Variants in DOCK4 observed in about 807,000 individuals in gnomAD.
The protein encoded by DOCK4 is dedicator of cytokinesis 4.
In DOCK4, 97 loss-of-function variants were observed where a neutral mutation model predicts 268.1. That is an observed-to-expected ratio of 0.36 (90% CI 0.31 to 0.43). The LOEUF (loss-of-function observed/expected upper bound fraction) is 0.43, where lower values mean the gene tolerates loss of function less well. Among genes scored for constraint, DOCK4 ranks in the 20% least tolerant of loss-of-function variants. DOCK4 has a pLI of 1.00. For synonymous variants in DOCK4, 954 were observed against 887.2 expected (o/e 1.08, Z -1.34); for missense variants, 2,145 against 2,455.7 (o/e 0.87, Z 2.67).
At chr7:112,001,264 ATAC>A (rs1367816016) in intron 2 of DOCK4, among the ~76,000 whole-genome samples, 1 of 152,130 alleles carries the variant, frequency 6.6e-6, no homozygotes, top group Non-Finnish European at 1.5e-5. Context: ...GGGTGCAAAA[ATAC>A]TACATGGAAA....
intron 8 of DOCK4, among the ~76,000 whole-genome samples, chr7:111,969,278 A>G (rs1249133463): frequency 6.6e-6 from 1 of 151,390 alleles, no homozygotes; most frequent in Non-Finnish European, 1.5e-5. Flanking sequence ...AATGTTTTCT[A>G]TTCTTATGGC....
chr7:112,025,532 AATG>A (rs139011382), intron 1 of DOCK4, among the ~76,000 whole-genome samples: 7,441 of 152,118 alleles, frequency 0.049, 574 homozygotes, highest in African/African-American at 0.17. Context: ...CAGCCACCCT[AATG>A]ATAGCTCCTG....
In DOCK4 at chr7:112,054,683, CCTTTT is replaced by C. The variant is rs375422401; in HGVS notation, c.38-50557_38-50553del. Among the ~76,000 whole-genome samples the C allele has an allele frequency of 5.8e-3, 889 of 152,180 alleles. 13 individuals are homozygous for C. The highest frequency in any genetic ancestry group is 0.02 in the African/African-American group (841 of 41,520). ...GATTTATTCACCTATGCTCCCAAATCCTTTTAATTAAGTGAAAGTTGTTCACTTAA... is the reference window on the plus strand; with the variant it reads ...GATTTATTCACCTATGCTCCCAAATCAATTAAGTGAAAGTTGTTCACTTAA... On this transcript the variant is annotated intron_variant, in intron 1 of 52. Coordinates refer to ENST00000428084, the MANE Select transcript of DOCK4 (RefSeq NM_001363540.2).
intron 3 of DOCK4, among the ~76,000 whole-genome samples, chr7:112,000,085 C>T (rs1005564176): frequency 6.6e-6 from 1 of 151,982 alleles, no homozygotes; most frequent in Non-Finnish European, 1.5e-5. Context: ...CTTAACATGC[C>T]GCTAAGTATA....
At chr7:111,733,761 G>T (rs1432527285) in intron 51 of DOCK4, among the ~76,000 whole-genome samples, 1 of 152,166 alleles carries the variant, frequency 6.6e-6, no homozygotes, top group Non-Finnish European at 1.5e-5. Context: ...TCGTGAATGA[G>T]ATACAAATAG....
chr7:112,162,303 AGGGCCT>A (rs1817198335), intron 1 of DOCK4, among the ~76,000 whole-genome samples: 1 of 151,982 alleles, frequency 6.6e-6, no homozygotes, highest in Non-Finnish European at 1.5e-5. Context: ...TCCACTCTGC[AGGGCCT>A]GGGCTGGGCT....
intron 1 of DOCK4, among the ~76,000 whole-genome samples, chr7:112,042,323 T>C (rs112363070): frequency 6.4e-4 from 98 of 152,286 alleles, no homozygotes; most frequent in African/African-American, 2.2e-3. Flanking sequence ...GACATTGTGC[T>C]CCAAGCTCAT....
intron 1 of DOCK4, among the ~76,000 whole-genome samples, chr7:112,040,515 A>C (rs2135503899): frequency 6.6e-6 from 1 of 152,332 alleles, no homozygotes; most frequent in South Asian, 2.1e-4. Flanking sequence ...ACAGTGAACC[A>C]GAACAGACAT....
Position 111,803,252 on chromosome 7 carries a change from C to T in DOCK4, c.3166+5569G>A, listed in dbSNP as rs114303345. Among the ~76,000 whole-genome samples the T allele has an allele frequency of 1.3e-3, 191 of 152,308 alleles. 1 individual carries two copies. Among genetic ancestry groups the T allele is most frequent in the African/African-American group, 4.4e-3 (183 of 41,554 alleles). On this transcript the variant is annotated intron_variant, in intron 30 of 52. Coordinates refer to ENST00000428084, the MANE Select transcript of DOCK4 (RefSeq NM_001363540.2). ...TTGCTGAAAACATACTTTGGGAACACGGAATCTGCAAACCTGAACAGGCTC... is the reference window on the plus strand; with the variant it reads ...TTGCTGAAAACATACTTTGGGAACATGGAATCTGCAAACCTGAACAGGCTC...
intron 1 of DOCK4, among the ~76,000 whole-genome samples, chr7:112,019,055 C>A (rs757866734): frequency 6.6e-6 from 1 of 152,236 alleles, no homozygotes; most frequent in East Asian, 1.9e-4. Context: ...CATAACATTG[C>A]GATCCAGCTA....
rs1808604837 is a variant in DOCK4 at position 112,081,744 on chromosome 7, T to C, written c.38-77613A>G. ...AATAAATGCTGATTAAATTAAATAA[T>C]TTATTTGTAGCTGTTCTCTTGAAGG... On this transcript the variant is annotated intron_variant, in intron 1 of 52. Coordinates refer to ENST00000428084, the MANE Select transcript of DOCK4 (RefSeq NM_001363540.2). 2.0e-5 allele frequency among the ~76,000 whole-genome samples: 3 copies of C among 152,178 alleles called. 1 individual carries two copies. In the South Asian group the frequency reaches 6.2e-4, roughly 31 times the overall value.
chr7:112,073,459 A>G (rs1417193470), intron 1 of DOCK4, among the ~76,000 whole-genome samples: 1 of 152,138 alleles, frequency 6.6e-6, no homozygotes, highest in Non-Finnish European at 1.5e-5. Context: ...GTAAAATAAT[A>G]CATGTATTAC....
At chr7:112,130,098 T>A (rs1318456225) in intron 1 of DOCK4, among the ~76,000 whole-genome samples, 1 of 152,154 alleles carries the variant, frequency 6.6e-6, no homozygotes, top group Admixed American at 6.5e-5. Flanking sequence ...CAGGGAAATT[T>A]GAGCCGAGTT....
At chr7:112,097,879 T>C (rs1334406417) in intron 1 of DOCK4, among the ~76,000 whole-genome samples, 3 of 152,180 alleles carry the variant, frequency 2.0e-5, no homozygotes, top group Non-Finnish European at 4.4e-5. Context: ...GCTAAATTCA[T>C]TGGTAGAATT....
intron 39 of DOCK4, among the ~76,000 whole-genome samples, chr7:111,762,757 G>GTTTTTTTTTTTTTTTTTTTTTTTT (rs1797499588): frequency 5.5e-5 from 3 of 55,010 alleles, no homozygotes; most frequent in African/African-American, 1.3e-4. Flanking sequence ...ATTTTGTTTT[G>GTTTTTTTTTTTTTTTTTTTTTTTT]TTTTCTTTTT....
chr7:112,089,354 G>A (rs1563073480), intron 1 of DOCK4, among the ~76,000 whole-genome samples: 2 of 152,058 alleles, frequency 1.3e-5, no homozygotes, highest in African/African-American at 2.4e-5. Context: ...ACTTTGCCCT[G>A]TTGACACTGA....
At chr7:111,995,798 G>A (rs1406840297) in intron 4 of DOCK4, among the ~76,000 whole-genome samples, 5 of 151,906 alleles carry the variant, frequency 3.3e-5, no homozygotes, top group Admixed American at 2.6e-4. Context: ...TCCTCATTTC[G>A]CAGTGCTGCT....
chr7:111,895,616 T>C lies in DOCK4; in HGVS notation c.1583A>G (p.His528Arg). Residue 528 changes from histidine (H) to arginine (R), a missense_variant, in exon 16 of 53, where the codon CAT becomes CGT. His to Arg is a conservative substitution (Grantham distance 29, BLOSUM62 0). Coordinates refer to ENST00000428084, the MANE Select transcript of DOCK4 (RefSeq NM_001363540.2). ...LPDGTHELIV[H>R]KCEENTNLQD... ...CCACCATCTGACTGATGTTACCTTATGCACGATGAGCTCATGAGTGCCATC... is the reference window on the plus strand; with the variant it reads ...CCACCATCTGACTGATGTTACCTTACGCACGATGAGCTCATGAGTGCCATC... 1.2e-6 allele frequency: 2 copies of C among 1,613,704 alleles called. No homozygotes were observed. The highest frequency in any genetic ancestry group is 1.7e-6 in the Non-Finnish European group (2 of 1,179,618).
intron 5 of DOCK4, among the ~76,000 whole-genome samples, chr7:111,990,214 CTT>C (rs1799413961): frequency 6.6e-6 from 1 of 152,162 alleles, no homozygotes; most frequent in African/African-American, 2.4e-5. Context: ...ACTGTTATTG[CTT>C]TGGGCTTGGT....
Sources: gnomAD v4.1 joint callset for allele counts (sites outside exome capture counted in the v4.1 genomes callset) on GRCh38, gnomAD v4.1.1 for gene constraint, MANE v1.5 for transcripts, NCBI Gene and HGNC (gene_info 2026-07-23, HGNC 2026-07-21) for gene names.